Variants in XKR4 observed in about 807,000 individuals in gnomAD.
XKR4 encodes the protein XK related 4.
In XKR4, 12 loss-of-function variants were observed where a neutral mutation model predicts 53.9. That is an observed-to-expected ratio of 0.22 (90% CI 0.14 to 0.36). The LOEUF (loss-of-function observed/expected upper bound fraction) is 0.36, where lower values mean the gene tolerates loss of function less well. Ranked by LOEUF, XKR4 falls within the 10% of genes least tolerant of loss-of-function variation. The pLI is 1.00. For synonymous variants in XKR4, 354 were observed against 362.4 expected, an observed-to-expected ratio of 0.98 and a Z score of 0.26; for missense variants, 799 against 859.5, an observed-to-expected ratio of 0.93 and a Z score of 0.88.
intron 2 of XKR4, among the ~76,000 whole-genome samples, chr8:55,468,485 A>G (rs1233757329): frequency 6.6e-6 from 1 of 152,242 alleles, no homozygotes; most frequent in East Asian, 1.9e-4. Flanking sequence ...GACCTAAAAC[A>G]TGTCTTATTT....
intron 1 of XKR4, among the ~76,000 whole-genome samples, chr8:55,301,202 G>A (rs1023352492): frequency 4.5e-5 from 6 of 132,918 alleles, no homozygotes; most frequent in African/African-American, 1.2e-4. Context: ...GTGTCCATGT[G>A]TTCTCATTGT....
At chr8:55,390,567 G>A (rs1012682382) in intron 2 of XKR4, among the ~76,000 whole-genome samples, 3 of 152,160 alleles carry the variant, frequency 2.0e-5, no homozygotes, top group Non-Finnish European at 4.4e-5. Context: ...AGCTGTATTT[G>A]CCTAAGTTTA....
chr8:55,234,969 G>A (rs950440006), intron 1 of XKR4, among the ~76,000 whole-genome samples: 19 of 152,308 alleles, frequency 1.2e-4, no homozygotes, highest in African/African-American at 3.1e-4. Flanking sequence ...CTAGTTTCCT[G>A]TGGCCGCCAT....
At chr8:55,182,604 A>G (rs574725071) in intron 1 of XKR4, among the ~76,000 whole-genome samples, 5 of 152,282 alleles carry the variant, frequency 3.3e-5, no homozygotes, top group African/African-American at 7.2e-5. Context: ...TTGATTGACT[A>G]TATTTGTGCA....
At chr8:55,464,648 G>T (rs1044572057) in intron 2 of XKR4, among the ~76,000 whole-genome samples, 1 of 152,120 alleles carries the variant, frequency 6.6e-6, no homozygotes, top group Non-Finnish European at 1.5e-5. Context: ...CAATCAGGCA[G>T]GAGAAGGAAA....
At chr8:55,192,374 C>G (rs1817455498) in intron 1 of XKR4, among the ~76,000 whole-genome samples, 1 of 151,736 alleles carries the variant, frequency 6.6e-6, no homozygotes, top group Admixed American at 6.6e-5. Context: ...GTTTATATAA[C>G]AAAATTTGGG....
intron 2 of XKR4, among the ~76,000 whole-genome samples, chr8:55,509,658 A>T (rs766565824): frequency 2.0e-5 from 3 of 152,206 alleles, no homozygotes; most frequent in Non-Finnish European, 2.9e-5. Flanking sequence ...CTCTAAAAAT[A>T]AGGTTATACT....
intron 2 of XKR4, among the ~76,000 whole-genome samples, chr8:55,394,233 T>C (rs542276112): frequency 7.2e-5 from 11 of 152,250 alleles, no homozygotes; most frequent in African/African-American, 2.6e-4. Context: ...TTATGCGCTA[T>C]CGATATAAGA....
In XKR4 at chr8:55,134,867, C is replaced by T. The variant is rs149812105; in HGVS notation, c.806+31573C>T. ...TCAGTGGATGATGTCATTTAATTCT[C>T]GCAACCCAAGCCCTAATAAGCAGAC... On this transcript the variant is annotated intron_variant, in intron 1 of 2. Transcript: ENST00000327381. Among the ~76,000 whole-genome samples, 79 of 152,278 alleles carry T rather than the reference C, an allele frequency of 5.2e-4. No individual in the cohort carries two copies. In the East Asian group the frequency reaches 0.013, roughly 26 times the overall value.
At chr8:55,521,836 T>A (rs1428502319) in intron 2 of XKR4, among the ~76,000 whole-genome samples, 2 of 152,242 alleles carry the variant, frequency 1.3e-5, no homozygotes, top group African/African-American at 4.8e-5. Context: ...TATAAAAATA[T>A]TTTTGAATAA....
chr8:55,151,069 G>C (rs1164193583), intron 1 of XKR4, among the ~76,000 whole-genome samples: 2 of 152,154 alleles, frequency 1.3e-5, no homozygotes, highest in Non-Finnish European at 2.9e-5. Flanking sequence ...TAACAGCAGT[G>C]TATTAGTACT....
intron 2 of XKR4, among the ~76,000 whole-genome samples, chr8:55,504,808 G>A (rs563080821): frequency 3.1e-4 from 47 of 152,052 alleles, no homozygotes; most frequent in African/African-American, 1.0e-3. Context: ...CTAGGAATTT[G>A]TCCACTTCTT....
In XKR4 at chr8:55,493,474, G is replaced by A. The variant is rs1453737014; in HGVS notation, c.1007-29807G>A. On this transcript the variant is annotated intron_variant, in intron 2 of 2. Transcript: ENST00000327381. The stretch of plus-strand genomic sequence containing the variant: ...TTCCCACATTTAATTTGTTATGAGT[G>A]CCTCCCATTGCCAACAAGGAATCCC... Among the ~76,000 whole-genome samples, 3 of 152,296 alleles carry A rather than the reference G, an allele frequency of 2.0e-5. No homozygotes were observed. The South Asian group carries it at 6.2e-4, about 32-fold the overall frequency.
intron 1 of XKR4, among the ~76,000 whole-genome samples, chr8:55,285,106 C>G (rs1046530059): frequency 1.3e-5 from 2 of 152,226 alleles, no homozygotes; most frequent in East Asian, 1.9e-4. Context: ...AGCCCAAGAT[C>G]TTACAATGGT....
chr8:55,396,211 G>A (rs2975944), intron 2 of XKR4, among the ~76,000 whole-genome samples: 2 of 152,030 alleles, frequency 1.3e-5, no homozygotes, highest in Middle Eastern at 3.2e-3. Context: ...ATTTTTACAC[G>A]ACTCAATCTT....
intron 1 of XKR4, among the ~76,000 whole-genome samples, chr8:55,124,247 C>T (rs2129352289): frequency 6.6e-6 from 1 of 152,318 alleles, no homozygotes; most frequent in Non-Finnish European, 1.5e-5. Flanking sequence ...CTTGGCCATT[C>T]ATCTACTTGC....
chr8:55,216,969 G>T (rs547326288), intron 1 of XKR4, among the ~76,000 whole-genome samples: 1 of 151,054 alleles, frequency 6.6e-6, no homozygotes, highest in African/African-American at 2.4e-5. Flanking sequence ...CTTGCCAGGC[G>T]CAGTGGCTTA....
At position 55,531,826 on chromosome 8, in the gene XKR4, T is replaced by C. The variant is rs1470987603; in HGVS notation, c.*7599T>C. The C allele has an allele frequency of 6.6e-6, 1 of 152,246 alleles. No individual in the cohort carries two copies. The highest frequency in any genetic ancestry group is 2.4e-5 in the African/African-American group (1 of 41,470). 9.4% of individuals were successfully genotyped at this position (152,246 alleles called of 1,614,324 possible). Reference sequence around the variant, plus strand: ...CTCCAGCATACTGGTTATTTAGGAATAACAAATTTCTGGACATAAACATGA... The same window carrying C: ...CTCCAGCATACTGGTTATTTAGGAACAACAAATTTCTGGACATAAACATGA... On this transcript the variant is annotated 3_prime_UTR_variant, in exon 3 of 3. Transcript: ENST00000327381.
chr8:55,513,311 C>T (rs1806656614), intron 2 of XKR4, among the ~76,000 whole-genome samples: 1 of 152,170 alleles, frequency 6.6e-6, no homozygotes, highest in African/African-American at 2.4e-5. Context: ...TGTTTTGTGG[C>T]ATGTGGGCCA....
Sources: allele counts gnomAD v4.1 joint callset (sites outside exome capture counted in the v4.1 genomes callset), GRCh38; gene constraint gnomAD v4.1.1; transcripts MANE v1.5; gene names NCBI Gene and HGNC (gene_info 2026-07-23, HGNC 2026-07-21).